Variants in LRBA observed in about 807,000 individuals in gnomAD.
LRBA encodes the protein LPS responsive beige-like anchor protein.
LRBA carries 176 observed loss-of-function variants against 330.0 expected under a neutral mutation model. The ratio of observed to expected loss-of-function variants is 0.53; its 90% CI spans 0.47 to 0.60. The LOEUF is 0.60. LRBA is among the 20% of genes least tolerant of loss of function. LRBA has a pLI of 0.00. For synonymous variants in LRBA, 1,230 were observed against 1,193.0 expected (o/e 1.03, Z -0.64); for missense variants, 3,259 against 3,444.8 (o/e 0.95, Z 1.35).
chr4:150,359,814 A>G (rs1256043698), intron 47 of LRBA, among the ~76,000 whole-genome samples: 1 of 152,038 alleles, frequency 6.6e-6, no homozygotes, highest in Non-Finnish European at 1.5e-5. Context: ...CCCCGTCTCT[A>G]CTAAAAATAC....
intron 2 of LRBA, among the ~76,000 whole-genome samples, chr4:150,944,543 C>T: frequency 6.6e-6 from 1 of 151,340 alleles, no homozygotes; most frequent in African/African-American, 2.4e-5. Flanking sequence ...CAAAGTCTAT[C>T]AGACAAAACT....
intron 2 of LRBA, among the ~76,000 whole-genome samples, chr4:151,000,613 A>G (rs947156541): frequency 6.6e-6 from 1 of 152,202 alleles, no homozygotes; most frequent in Non-Finnish European, 1.5e-5. Context: ...ACGCTGGACA[A>G]AGGGATGATT....
At chr4:150,814,636 T>A (rs1412558769) in intron 31 of LRBA, among the ~76,000 whole-genome samples, 1 of 150,180 alleles carries the variant, frequency 6.7e-6, no homozygotes, top group East Asian at 2.0e-4. Context: ...ACTGTTTTTT[T>A]AAAAATGGGG....
chr4:150,364,552 T>C (rs969298922), intron 47 of LRBA, among the ~76,000 whole-genome samples: 3 of 152,182 alleles, frequency 2.0e-5, no homozygotes, highest in Non-Finnish European at 4.4e-5. Context: ...AACCACTACA[T>C]AACATGGATT....
chr4:150,461,767 C>T (rs1012254522), intron 44 of LRBA, among the ~76,000 whole-genome samples: 4 of 151,712 alleles, frequency 2.6e-5, no homozygotes, highest in Non-Finnish European at 5.9e-5. Context: ...AATCCAAGAA[C>T]ATGCTGGTTT....
At chr4:150,991,076 C>T (rs1473075963) in intron 2 of LRBA, among the ~76,000 whole-genome samples, 2 of 143,482 alleles carry the variant, frequency 1.4e-5, no homozygotes, top group Non-Finnish European at 3.0e-5. Context: ...AAAAAGAAGA[C>T]GAAGAAGAAA....
chr4:150,435,175 T>C (rs1750946264), intron 46 of LRBA, among the ~76,000 whole-genome samples: 1 of 151,464 alleles, frequency 6.6e-6, no homozygotes, highest in South Asian at 2.1e-4. Context: ...TGAAACCCCA[T>C]CTCTACTAAA....
At chr4:150,868,676 G>A (rs914091591) in intron 20 of LRBA, among the ~76,000 whole-genome samples, 1 of 152,134 alleles carries the variant, frequency 6.6e-6, no homozygotes, top group Admixed American at 6.5e-5. Flanking sequence ...GGTGGCTCAC[G>A]CCTGTAATTC....
intron 37 of LRBA, among the ~76,000 whole-genome samples, chr4:150,661,869 A>G (rs1781144055): frequency 6.6e-6 from 1 of 152,066 alleles, no homozygotes; most frequent in East Asian, 1.9e-4. Flanking sequence ...ATCCACGAGC[A>G]TCGGCCTCCC....
intron 55 of LRBA, among the ~76,000 whole-genome samples, chr4:150,279,467 G>A (rs1019268097): frequency 6.6e-6 from 1 of 152,178 alleles, no homozygotes; most frequent in Non-Finnish European, 1.5e-5. Context: ...AGATTGTGCT[G>A]GCAAGCCAGA....
chr4:150,604,516 ATTAT>A (rs984703923), intron 37 of LRBA, among the ~76,000 whole-genome samples: 1 of 152,196 alleles, frequency 6.6e-6, no homozygotes, highest in African/African-American at 2.4e-5. Context: ...TCTAATAACA[ATTAT>A]TTATTATTTA....
chr4:150,976,627 G>A (rs1426634077), intron 2 of LRBA, among the ~76,000 whole-genome samples: 4 of 152,052 alleles, frequency 2.6e-5, no homozygotes, highest in East Asian at 3.8e-4. Flanking sequence ...TCATCGCCGC[G>A]ACAGAAACAA....
At position 150,908,376 on chromosome 4, in the gene LRBA, T is replaced by C. The variant is rs1731577912; in HGVS notation, c.1451A>G (p.Asp484Gly). ...QVLFPLFAQL[D>G]YRQYLSDEID... ...CTCATCAGACAAATATTGCCTGTAA[T>C]CCAACTGTGCAAAAAGTGGAAATAG... Residue 484 changes from aspartate to glycine, a missense_variant, in exon 11 of 57, where the codon GAT (aspartate) becomes GGT (glycine). Coordinates refer to ENST00000651943, the MANE Select transcript of LRBA (RefSeq NM_001364905.1). The C allele has an allele frequency of 6.2e-7, 1 of 1,609,504 alleles. No homozygotes were observed. Among genetic ancestry groups the C allele is most frequent in the Middle Eastern group, 1.7e-4 (1 of 6,036 alleles).
chr4:150,368,291 T>C (rs1739777587), intron 47 of LRBA, among the ~76,000 whole-genome samples: 1 of 152,088 alleles, frequency 6.6e-6, no homozygotes, highest in African/African-American at 2.4e-5. Flanking sequence ...TAACACAAGA[T>C]TTAAAAACTC....
At chr4:150,935,179 A>G (rs548564658) in intron 2 of LRBA, among the ~76,000 whole-genome samples, 409 of 2,852 alleles carry the variant, frequency 0.14, 3 homozygotes, top group Admixed American at 0.23. Flanking sequence ...CCGTCTCACG[A>G]AAAAAAAAAA....
At chr4:150,564,831 T>C (rs533058312) in intron 40 of LRBA, among the ~76,000 whole-genome samples, 7 of 152,252 alleles carry the variant, frequency 4.6e-5, no homozygotes, top group Non-Finnish European at 1.0e-4. Context: ...CACAATGAGA[T>C]ACTATCTCAT....
chr4:150,694,459 T>TTACAAAAAAAAAAAA (rs1784429804), intron 36 of LRBA, among the ~76,000 whole-genome samples: 1 of 7,494 alleles, frequency 1.3e-4, no homozygotes, highest in Non-Finnish European at 1.1e-3. Flanking sequence ...GTGTGATCTT[T>TTACAAAAAAAAAAAA]AACAAAAAAA....
chr4:150,489,701 T>A (rs867994320), intron 41 of LRBA, among the ~76,000 whole-genome samples: 1 of 119,882 alleles, frequency 8.3e-6, no homozygotes, highest in East Asian at 2.3e-4. Flanking sequence ...TATTATATAT[T>A]ATATATTATA....
chr4:150,763,629 G>A (rs926132420), intron 34 of LRBA, among the ~76,000 whole-genome samples: 8 of 151,992 alleles, frequency 5.3e-5, no homozygotes, highest in African/African-American at 1.9e-4. Flanking sequence ...CGAAAAGGTA[G>A]GAGAATGATG....
Sources: allele counts gnomAD v4.1 joint callset (sites outside exome capture counted in the v4.1 genomes callset), GRCh38; gene constraint gnomAD v4.1.1; transcripts MANE v1.5; gene names NCBI Gene and HGNC (gene_info 2026-07-23, HGNC 2026-07-21).